DDR2: variants seen among roughly 807,000 people sequenced by gnomAD.
DDR2 encodes discoidin domain receptor tyrosine kinase 2, also known as discoidin domain-containing receptor 2.
A neutral mutation model predicts 94.9 loss-of-function variants in DDR2; 27 were observed. The observed-to-expected ratio is 0.28, with a 90% CI of 0.21 to 0.39. The LOEUF (loss-of-function observed/expected upper bound fraction) is 0.39, where lower values mean the gene tolerates loss of function less well. Among genes scored for constraint, DDR2 ranks in the 10% least tolerant of loss-of-function variants. The pLI, the probability that DDR2 is intolerant of heterozygous loss-of-function variation, is 1.00. For synonymous variants in DDR2, 382 were observed against 377.2 expected (o/e 1.01, Z -0.15); for missense variants, 783 against 1,076.0 (o/e 0.73, Z 3.81).
intron 8 of DDR2, among the ~76,000 whole-genome samples, 175 bp from the exon 9 acceptor site, chr1:162,761,033 AAAG>A (rs1268507555): frequency 2.0e-5 from 3 of 152,140 alleles, no homozygotes; most frequent in Admixed American, 6.5e-5. Context: ...AGCCCTGTGA[AAAG>A]AAGAAGACTG....
chr1:162,646,877 T>G (rs1461766981), intron 1 of DDR2, among the ~76,000 whole-genome samples: 2 of 152,372 alleles, frequency 1.3e-5, no homozygotes, highest in South Asian at 2.1e-4. Flanking sequence ...GTTGCAGGTG[T>G]CTGTCTGATC....
At chr1:162,690,699 T>A (rs938899143) in intron 2 of DDR2, among the ~76,000 whole-genome samples, 2 of 152,164 alleles carry the variant, frequency 1.3e-5, no homozygotes, top group Admixed American at 6.5e-5. Flanking sequence ...TTGAAATTTC[T>A]GAGTAAATAA....
chr1:162,740,422 C>A (rs1350306077), intron 3 of DDR2, among the ~76,000 whole-genome samples: 1 of 152,156 alleles, frequency 6.6e-6, no homozygotes, highest in Non-Finnish European at 1.5e-5. Flanking sequence ...CCTCAAACCA[C>A]CTCCACAACA....
intron 3 of DDR2, among the ~76,000 whole-genome samples, chr1:162,741,038 G>A (rs979462340): frequency 1.1e-4 from 16 of 151,896 alleles, no homozygotes; most frequent in African/African-American, 2.4e-4. Context: ...TGTGATCTAC[G>A]TCAATCCCTA....
At chr1:162,705,971 T>C (rs1290645007) in intron 2 of DDR2, among the ~76,000 whole-genome samples, 2 of 152,134 alleles carry the variant, frequency 1.3e-5, no homozygotes, top group Non-Finnish European at 2.9e-5. Context: ...GAGGAGGAGA[T>C]AAAAATTTCA....
chr1:162,707,428 C>G (rs2102007420), intron 2 of DDR2, among the ~76,000 whole-genome samples: 1 of 152,318 alleles, frequency 6.6e-6, no homozygotes, highest in East Asian at 1.9e-4. Flanking sequence ...CTTTCAACAG[C>G]TGGATGTTGA....
intron 2 of DDR2, among the ~76,000 whole-genome samples, chr1:162,664,018 G>A (rs1193286630): frequency 6.6e-6 from 1 of 152,140 alleles, no homozygotes; most frequent in African/African-American, 2.4e-5. Flanking sequence ...GAGTCTGAGA[G>A]GCTGGGGGAG....
intron 2 of DDR2, among the ~76,000 whole-genome samples, chr1:162,709,262 C>A (rs1660789222): frequency 6.6e-6 from 1 of 152,152 alleles, no homozygotes; most frequent in Non-Finnish European, 1.5e-5. Flanking sequence ...AGGGAAGTAA[C>A]TTCAATCTGG....
At chr1:162,686,733 A>T (rs192009781) in intron 2 of DDR2, among the ~76,000 whole-genome samples, 2 of 152,338 alleles carry the variant, frequency 1.3e-5, no homozygotes, top group Non-Finnish European at 2.9e-5. Context: ...ATATATACCC[A>T]GTAATGGGAA....
At chr1:162,778,088 G>A (rs905376564) in intron 16 of DDR2, 58 of 208,438 alleles carry the variant, frequency 2.8e-4, no homozygotes, top group Admixed American at 2.6e-3. Context: ...AGTAGAAAAT[G>A]TGAGTAGTCA....
At chr1:162,771,942 A>T in intron 12 of DDR2, 82 bp from the exon 13 acceptor site, 1 of 1,431,320 alleles carries the variant, frequency 7.0e-7, no homozygotes, top group Non-Finnish European at 9.6e-7. Flanking sequence ...GGCATGTTTT[A>T]GCCCTCCTCT....
rs773598662 is a variant in DDR2 at position 162,770,441 on chromosome 1, G to T, written c.1433G>T (p.Arg478Leu). ...ACTTACGATCGCATCTTTCCCCTTCGCCCTGACTACCAGGAGCCATCCAGG... is the reference window on the plus strand; with the variant it reads ...ACTTACGATCGCATCTTTCCCCTTCTCCCTGACTACCAGGAGCCATCCAGG... ...NSTYDRIFPL[R>L]PDYQEPSRLI... The change falls in exon 12 of 18, where the codon CGC (arginine) becomes CTC (leucine). Residue 478 changes from arginine (R) to leucine (L), a missense_variant. Transcript: ENST00000367921. 1 of 1,613,812 alleles carries T rather than the reference G, an allele frequency of 6.2e-7. No homozygotes were observed. Among genetic ancestry groups the T allele is most frequent in the South Asian group, 1.1e-5 (1 of 91,064 alleles).
chr1:162,673,368 C>T lies in DDR2; in HGVS notation c.-28+17994C>T, dbSNP rs531747638. ...AGGGCAGGGAAGAGCTCCATTAATTCACATAGGGCCGATTTCTCTTAATCG... is the reference window on the plus strand; with the variant it reads ...AGGGCAGGGAAGAGCTCCATTAATTTACATAGGGCCGATTTCTCTTAATCG... On this transcript the variant is annotated intron_variant, in intron 2 of 17. Transcript: ENST00000367921. 5.3e-5 allele frequency among the ~76,000 whole-genome samples: 8 copies of T among 152,236 alleles called. 1 individual carries two copies. The East Asian group carries it at 1.5e-3, about 29-fold the overall frequency.
chr1:162,755,085 A>C, intron 5 of DDR2, 71 bp from the exon 6 acceptor site: 1 of 1,603,276 alleles, frequency 6.2e-7, no homozygotes, highest in Non-Finnish European at 8.5e-7. Context: ...TCCATCAAAA[A>C]CGTGGTGGGG....
At chr1:162,631,181 ATTGTGTGT>A (rs1369970977), upstream of DDR2, among the ~76,000 whole-genome samples, 2 of 78,992 alleles carry the variant, frequency 2.5e-5, no homozygotes, top group Non-Finnish European at 4.9e-5. Context: ...GGCCACCCTC[ATTGTGTGT>A]GTGTGTGTGT....
chr1:162,742,038 A>T (rs1000470303), intron 3 of DDR2, among the ~76,000 whole-genome samples: 2 of 152,146 alleles, frequency 1.3e-5, no homozygotes, highest in South Asian at 4.1e-4. Flanking sequence ...CTTCCCTTCA[A>T]TTTCACTTCT....
At chr1:162,645,914 T>G (rs763031791) in intron 1 of DDR2, among the ~76,000 whole-genome samples, 1 of 152,232 alleles carries the variant, frequency 6.6e-6, no homozygotes, top group Non-Finnish European at 1.5e-5. Context: ...TTTGTGTGTT[T>G]ATGCCTCAAG....
intron 2 of DDR2, among the ~76,000 whole-genome samples, chr1:162,659,179 A>G (rs1201291333): frequency 6.6e-6 from 1 of 152,224 alleles, no homozygotes; most frequent in African/African-American, 2.4e-5. Context: ...TCATGGGCTA[A>G]TAGGAAAGGA....
At chr1:162,763,648 T>A (rs1663862118) in intron 9 of DDR2, among the ~76,000 whole-genome samples, 1 of 152,078 alleles carries the variant, frequency 6.6e-6, no homozygotes, top group Non-Finnish European at 1.5e-5. Flanking sequence ...TTTCAAGAAA[T>A]CTTGATTCCT....
Sources: gnomAD v4.1 joint callset for allele counts (sites outside exome capture counted in the v4.1 genomes callset) on GRCh38, gnomAD v4.1.1 for gene constraint, MANE v1.5 for transcripts, NCBI Gene and HGNC (gene_info 2026-07-23, HGNC 2026-07-21) for gene names.